Variants in EXOC2 observed in about 807,000 individuals in gnomAD.
The protein encoded by EXOC2 is exocyst complex component 2, also known as SEC5-like 1.
In EXOC2, 70 loss-of-function variants were observed where a neutral mutation model predicts 131.8. The observed-to-expected ratio is 0.53, with a 90% CI of 0.44 to 0.65. EXOC2 has a LOEUF of 0.65. Among genes scored for constraint, EXOC2 ranks in the 30% least tolerant of loss-of-function variants. EXOC2 has a pLI of 0.00. For synonymous variants in EXOC2, 411 were observed against 398.4 expected (o/e 1.03, Z -0.38); for missense variants, 923 against 1,108.6 (o/e 0.83, Z 2.38).
At chr6:545,328 T>G (rs939156028) in intron 22 of EXOC2, among the ~76,000 whole-genome samples, 1 of 152,176 alleles carries the variant, frequency 6.6e-6, no homozygotes, top group African/African-American at 2.4e-5. Flanking sequence ...AAGCACTCCC[T>G]GGAATTATGT....
chr6:499,755 T>TC, intron 23 of EXOC2, 55 bp from the exon 24 acceptor site: 1 of 1,443,898 alleles, frequency 6.9e-7, no homozygotes, highest in Non-Finnish European at 9.7e-7. Flanking sequence ...CAAGCTCCCC[T>TC]CCCCTGCTGG....
intron 16 of EXOC2, among the ~76,000 whole-genome samples, chr6:563,711 T>C (rs1234109081): frequency 6.6e-6 from 1 of 152,164 alleles, no homozygotes. Flanking sequence ...AAAATATACA[T>C]CCATATATTT....
At chr6:563,928 C>T in intron 16 of EXOC2, 105 bp downstream of exon 16, 2 of 1,463,634 alleles carry the variant, frequency 1.4e-6, no homozygotes, top group East Asian at 2.3e-5. Context: ...TTCCAATTTC[C>T]AGAAGAGTAA....
At chr6:507,411 C>T (rs1764629935) in intron 23 of EXOC2, among the ~76,000 whole-genome samples, 2 of 150,984 alleles carry the variant, frequency 1.3e-5, no homozygotes, top group African/African-American at 4.9e-5. Context: ...GGATTGCACT[C>T]TAGTAGGGAC....
intron 1 of EXOC2, among the ~76,000 whole-genome samples, chr6:654,521 T>C (rs1762970253): frequency 6.6e-6 from 1 of 152,042 alleles, no homozygotes; most frequent in African/African-American, 2.4e-5. Flanking sequence ...AAGTAGAGGC[T>C]GGGCATGGTG....
chr6:567,681 T>G (rs1255333221), intron 13 of EXOC2, among the ~76,000 whole-genome samples: 1 of 151,914 alleles, frequency 6.6e-6, no homozygotes, highest in Non-Finnish European at 1.5e-5. Flanking sequence ...GTGTGTCTGT[T>G]GTGTGTGTGC....
chr6:564,876 T>G lies in EXOC2; in HGVS notation c.1497A>C (p.Gln499His), dbSNP rs1208810931. 3.1e-6 allele frequency: 5 copies of G among 1,612,944 alleles called. No homozygotes were observed. The highest frequency in any genetic ancestry group is 4.2e-6 in the Non-Finnish European group (5 of 1,179,652). The part of the protein sequence containing the change: ...IERSKNVRQR[Q>H]NDFKKMIQEV... ...CACCCTTACTCACCTTAAAATCATT[T>G]TGTCTTTGCCTTACATTCTTTGATC... is the stretch of plus-strand genomic sequence containing the variant. The change falls in exon 14 of 28, where the codon CAA becomes CAC. Residue 499 changes from glutamine to histidine, a missense_variant. By Grantham distance (24) the Gln-to-His change is conservative. Coordinates refer to ENST00000230449, the MANE Select transcript of EXOC2 (RefSeq NM_018303.6).
chr6:538,704 CAGG>C (rs1216234878), intron 22 of EXOC2, among the ~76,000 whole-genome samples: 7 of 152,160 alleles, frequency 4.6e-5, no homozygotes, highest in African/African-American at 1.4e-4. Flanking sequence ...CCCACTTTAC[CAGG>C]GTGTAAAAGC....
chr6:564,284 GACC>G, intron 15 of EXOC2, 130 bp from the exon 16 acceptor site: 1 of 1,362,898 alleles, frequency 7.3e-7, no homozygotes, highest in Non-Finnish European at 9.8e-7. Flanking sequence ...AACAGAAACA[GACC>G]ACAACTGGGA....
At chr6:512,892 G>A (rs1490314830) in intron 23 of EXOC2, among the ~76,000 whole-genome samples, 1 of 152,194 alleles carries the variant, frequency 6.6e-6, no homozygotes, top group African/African-American at 2.4e-5. Context: ...TGTGAAAGCA[G>A]TAAGTAAACT....
chr6:607,063 G>A (rs1359385148), intron 7 of EXOC2, among the ~76,000 whole-genome samples: 1 of 152,220 alleles, frequency 6.6e-6, no homozygotes, highest in East Asian at 1.9e-4. Context: ...ATCATCCAGA[G>A]CACCTGTCAT....
intron 1 of EXOC2, among the ~76,000 whole-genome samples, chr6:673,887 T>C (rs1285527474): frequency 2.0e-5 from 3 of 152,326 alleles, no homozygotes; most frequent in East Asian, 3.9e-4. Flanking sequence ...ACTTGCTTAA[T>C]ACAGGGTTAC....
intron 13 of EXOC2, among the ~76,000 whole-genome samples, chr6:565,319 A>G (rs1365859227): frequency 6.6e-6 from 1 of 152,198 alleles, no homozygotes; most frequent in Non-Finnish European, 1.5e-5. Context: ...GGAAGCCTAA[A>G]CTCTGAAATC....
chr6:497,600 G>A, intron 24 of EXOC2, 111 bp from the exon 25 acceptor site: 1 of 1,410,264 alleles, frequency 7.1e-7, no homozygotes, highest in South Asian at 1.8e-5. Context: ...GGACTTCTAA[G>A]TCATTTTTAA....
At chr6:567,885 C>T (rs888204678) in intron 13 of EXOC2, among the ~76,000 whole-genome samples, 5 of 152,176 alleles carry the variant, frequency 3.3e-5, no homozygotes, top group Admixed American at 2.0e-4. Flanking sequence ...ATCTGCCAGG[C>T]GTAACCCTAT....
At chr6:646,364 C>G (rs1762580097) in intron 1 of EXOC2, among the ~76,000 whole-genome samples, 1 of 152,084 alleles carries the variant, frequency 6.6e-6, no homozygotes. Context: ...AAAAAGGAAA[C>G]AACTGGTGGG....
intron 25 of EXOC2, among the ~76,000 whole-genome samples, chr6:493,795 G>A (rs1372508773): frequency 6.6e-6 from 1 of 152,208 alleles, no homozygotes; most frequent in Non-Finnish European, 1.5e-5. Flanking sequence ...GTCTGTCCAG[G>A]CCCGAGGAGG....
intron 7 of EXOC2, among the ~76,000 whole-genome samples, chr6:603,031 T>C (rs1440119596): frequency 6.6e-6 from 1 of 152,222 alleles, no homozygotes; most frequent in African/African-American, 2.4e-5. Flanking sequence ...AAAGTAAATA[T>C]TATGCTTTCT....
At chr6:499,597 T>C in intron 24 of EXOC2, 48 bp downstream of exon 24, 1 of 1,435,522 alleles carries the variant, frequency 7.0e-7, no homozygotes, top group East Asian at 2.3e-5. Flanking sequence ...TTCTTTTTTC[T>C]TTTTTTTGGT....
Sources: allele counts gnomAD v4.1 joint callset (sites outside exome capture counted in the v4.1 genomes callset), GRCh38; gene constraint gnomAD v4.1.1; transcripts MANE v1.5; gene names NCBI Gene and HGNC (gene_info 2026-07-23, HGNC 2026-07-21).